FAM13B: variants seen among roughly 807,000 people sequenced by gnomAD.
The protein encoded by FAM13B is protein FAM13B.
FAM13B carries 60 observed loss-of-function variants against 117.3 expected under a neutral mutation model. The observed-to-expected ratio is 0.51, with a 90% confidence interval of 0.42 to 0.63. The LOEUF (loss-of-function observed/expected upper bound fraction) is 0.63, where lower values mean the gene tolerates loss of function less well. Among genes scored for constraint, FAM13B ranks in the 30% least tolerant of loss-of-function variants. The pLI, the probability that FAM13B is intolerant of heterozygous loss-of-function variation, is 0.00. For synonymous variants in FAM13B, 332 were observed against 356.1 expected (o/e 0.93, Z 0.76); for missense variants, 972 against 1,091.9 (o/e 0.89, Z 1.55).
At chr5:137,982,656 C>T (rs1375780072) in intron 10 of FAM13B, among the ~76,000 whole-genome samples, 5 of 147,150 alleles carry the variant, frequency 3.4e-5, no homozygotes, top group Admixed American at 3.4e-4. Flanking sequence ...GGTTAATGAG[C>T]CGCCCTTTAT....
chr5:137,979,852 G>A (rs943177563), intron 10 of FAM13B, among the ~76,000 whole-genome samples: 13 of 151,992 alleles, frequency 8.6e-5, no homozygotes, highest in African/African-American at 3.1e-4. Context: ...GTACAACCTA[G>A]ATTATCAAGT....
chr5:137,968,860 G>T (rs1771006170), intron 10 of FAM13B, among the ~76,000 whole-genome samples: 1 of 152,206 alleles, frequency 6.6e-6, no homozygotes, highest in Admixed American at 6.5e-5. Flanking sequence ...ACGGCACCTA[G>T]AAAATTGGGT....
chr5:138,024,819 AGAG>A (rs1480177282), intron 1 of FAM13B, among the ~76,000 whole-genome samples: 4 of 58,694 alleles, frequency 6.8e-5, no homozygotes, highest in African/African-American at 2.2e-4. Context: ...ACACAGAGAG[AGAG>A]AGAGAGAGAG....
intron 1 of FAM13B, among the ~76,000 whole-genome samples, chr5:138,024,509 C>A (rs1395894072): frequency 6.6e-6 from 1 of 151,046 alleles, no homozygotes; most frequent in African/African-American, 2.4e-5. Flanking sequence ...TTAGAGCCAC[C>A]TAGTTTGTAG....
intron 10 of FAM13B, among the ~76,000 whole-genome samples, chr5:137,984,444 T>C (rs1032073574): frequency 5.9e-5 from 9 of 152,180 alleles, no homozygotes; most frequent in African/African-American, 2.2e-4. Context: ...CCAACACCCT[T>C]TTTTCCTTTG....
intron 1 of FAM13B, among the ~76,000 whole-genome samples, chr5:138,048,255 C>T (rs1791697542): frequency 6.6e-6 from 1 of 152,110 alleles, no homozygotes; most frequent in Admixed American, 6.6e-5. Flanking sequence ...AAACAAAACA[C>T]TAATACAACG....
At chr5:137,943,869 T>C (rs1035371227) in intron 20 of FAM13B, among the ~76,000 whole-genome samples, 15 of 152,200 alleles carry the variant, frequency 9.9e-5, no homozygotes, top group African/African-American at 3.6e-4. Context: ...AAAATAACTT[T>C]ATTAAGATAT....
chr5:137,943,550 C>A (rs1762490182), intron 20 of FAM13B, among the ~76,000 whole-genome samples: 1 of 152,162 alleles, frequency 6.6e-6, no homozygotes, highest in Non-Finnish European at 1.5e-5. Flanking sequence ...TCGAGACCAT[C>A]CTGGCTAACA....
intron 10 of FAM13B, among the ~76,000 whole-genome samples, chr5:137,963,833 G>A (rs1768878744): frequency 6.6e-6 from 1 of 152,164 alleles, no homozygotes; most frequent in Non-Finnish European, 1.5e-5. Context: ...GATCTAGGTT[G>A]TGTTCCTTAT....
chr5:137,993,459 T>C (rs1779135378), intron 7 of FAM13B, among the ~76,000 whole-genome samples: 1 of 152,066 alleles, frequency 6.6e-6, no homozygotes, highest in African/African-American at 2.4e-5. Context: ...AAACCGCATC[T>C]ATTTTTTTAA....
At chr5:138,027,375 T>C (rs946740235) in intron 1 of FAM13B, among the ~76,000 whole-genome samples, 7 of 152,216 alleles carry the variant, frequency 4.6e-5, no homozygotes, top group Admixed American at 1.3e-4. Context: ...ATAAAGATGA[T>C]AGAGATTTAT....
chr5:137,988,827 C>T (rs931652825), intron 7 of FAM13B, among the ~76,000 whole-genome samples: 1 of 152,148 alleles, frequency 6.6e-6, no homozygotes, highest in East Asian at 1.9e-4. Flanking sequence ...AGATGATGAA[C>T]CTAATTTTCT....
In FAM13B at chr5:138,040,647, T is replaced by C. The variant is rs368096667; in HGVS notation, c.-203+11231A>G. ...TCAAAGAAATAGTGGCTGAACATTT[T>C]CCAGAATTGAAGGTAAATATCCTAA... is the stretch of plus-strand genomic sequence containing the variant. On this transcript the variant is annotated intron_variant, in intron 1 of 3. Coordinates refer to the FAM13B transcript ENST00000502471. Among the ~76,000 whole-genome samples, 222 of 152,296 alleles carry C rather than the reference T, an allele frequency of 1.5e-3. 1 individual carries two copies. Among genetic ancestry groups the C allele is most frequent in the African/African-American group, 5.2e-3 (217 of 41,566 alleles).
intron 15 of FAM13B, 23 bp downstream of exon 15, chr5:137,954,143 G>A (rs372051995): frequency 2.6e-6 from 4 of 1,564,480 alleles, no homozygotes; most frequent in Non-Finnish European, 3.5e-6. Context: ...ATTGCCTCTT[G>A]TAAGTACATA....
At chr5:137,960,308 G>T in intron 11 of FAM13B, 94 bp from the exon 12 acceptor site, 1 of 666,000 alleles carries the variant, frequency 1.5e-6, no homozygotes, top group Non-Finnish European at 2.4e-6. Flanking sequence ...CCATAACACA[G>T]TTAGCATTTA....
At chr5:138,021,305 G>T in intron 1 of FAM13B, 108 bp from the exon 2 acceptor site, 1 of 872,464 alleles carries the variant, frequency 1.1e-6, no homozygotes, top group Non-Finnish European at 1.5e-6. Flanking sequence ...TATATTGAAA[G>T]GTATTCTTCT....
intron 10 of FAM13B, among the ~76,000 whole-genome samples, chr5:137,974,353 G>A (rs1463105328): frequency 3.3e-5 from 5 of 149,326 alleles, no homozygotes; most frequent in Non-Finnish European, 5.9e-5. Flanking sequence ...GTAAACTATC[G>A]CAAGAACAAA....
chr5:138,037,898 C>T (rs981145876), upstream of FAM13B, among the ~76,000 whole-genome samples: 1 of 152,202 alleles, frequency 6.6e-6, no homozygotes, highest in African/African-American at 2.4e-5. Context: ...AGTTCTAGCC[C>T]TGTTACTAGC....
In FAM13B at chr5:137,947,705, T is replaced by C. The variant is rs370803805; in HGVS notation, c.2160+1250A>G. Reference sequence around the variant, plus strand: ...CAAGCAATTCTTCTGCCTCAGCCTCTGGAGTAGCTGGATTACAGGCATGTG... The same window carrying C: ...CAAGCAATTCTTCTGCCTCAGCCTCCGGAGTAGCTGGATTACAGGCATGTG... On this transcript the variant is annotated intron_variant, in intron 18 of 23. Transcript: ENST00000689681. 2.6e-5 allele frequency among the ~76,000 whole-genome samples: 4 copies of C among 152,168 alleles called. No individual in the cohort carries two copies. The South Asian group carries it at 8.3e-4, about 32-fold the overall frequency.
Sources: gnomAD v4.1 joint callset for allele counts (sites outside exome capture counted in the v4.1 genomes callset) on GRCh38, gnomAD v4.1.1 for gene constraint, MANE v1.5 for transcripts, NCBI Gene and HGNC (gene_info 2026-07-23, HGNC 2026-07-21) for gene names.